UVRAG: variants seen among roughly 807,000 people sequenced by gnomAD.
UVRAG encodes the protein UV radiation resistance associated.
Under a neutral mutation model 78.0 loss-of-function variants are expected in UVRAG, and 19 were observed. The ratio of observed to expected loss-of-function variants is 0.24; its 90% CI spans 0.17 to 0.36. The LOEUF (loss-of-function observed/expected upper bound fraction) is 0.36, where lower values mean the gene tolerates loss of function less well. Among genes scored for constraint, UVRAG ranks in the 10% least tolerant of loss-of-function variants. UVRAG has a pLI of 1.00. For synonymous variants in UVRAG, 323 were observed against 324.6 expected (o/e 1.00, Z 0.05); for missense variants, 740 against 853.8 (o/e 0.87, Z 1.66).
chr11:76,021,162 T>C (rs1445882436), intron 12 of UVRAG, among the ~76,000 whole-genome samples: 1 of 152,198 alleles, frequency 6.6e-6, no homozygotes, highest in Non-Finnish European at 1.5e-5. Context: ...TTCAGCTATA[T>C]GAAGTTAAAA....
At chr11:75,983,839 A>G (rs888991217) in intron 8 of UVRAG, 2 of 187,870 alleles carry the variant, frequency 1.1e-5, no homozygotes, top group African/African-American at 2.3e-5. Context: ...ATATCTAAGC[A>G]TAGAATAAAA....
intron 6 of UVRAG, among the ~76,000 whole-genome samples, chr11:75,951,035 T>A (rs1948685326): frequency 6.6e-6 from 1 of 151,184 alleles, no homozygotes; most frequent in Admixed American, 6.6e-5. Context: ...CAGTCATGAC[T>A]TGATTTTTTT....
At chr11:76,118,049 T>C (rs1461812081) in intron 14 of UVRAG, among the ~76,000 whole-genome samples, 2 of 152,234 alleles carry the variant, frequency 1.3e-5, no homozygotes, top group African/African-American at 2.4e-5. Flanking sequence ...TTTATGACAT[T>C]GGGTCTTCCT....
At chr11:75,995,168 A>G (rs1949681223) in intron 8 of UVRAG, among the ~76,000 whole-genome samples, 1 of 148,432 alleles carries the variant, frequency 6.7e-6, no homozygotes, top group Non-Finnish European at 1.5e-5. Context: ...ATTTTCCAGC[A>G]TTTTATAAAA....
rs544230450 is a variant in UVRAG at position 75,871,175 on chromosome 11, A to G, written c.271-8704A>G. ...AAGCATGCGCCCCTGCGCCCGGCCT[A>G]TCTCTTGCTTTTCAGTCACTACCTT... On this transcript the variant is annotated intron_variant, in intron 3 of 14. Transcript: ENST00000356136. 1.0e-4 allele frequency among the ~76,000 whole-genome samples: 15 copies of G among 148,974 alleles called. No individual in the cohort carries two copies. The South Asian group carries it at 1.9e-3, about 19-fold the overall frequency.
At chr11:75,892,254 C>T (rs1321021455) in intron 5 of UVRAG, 1 of 824,380 alleles carries the variant, frequency 1.2e-6, no homozygotes, top group Non-Finnish European at 1.5e-6. Context: ...TGAAGCCCAG[C>T]CATCAGATCA....
At chr11:76,108,525 G>C (rs79224793) in intron 13 of UVRAG, among the ~76,000 whole-genome samples, 1 of 152,170 alleles carries the variant, frequency 6.6e-6, no homozygotes, top group African/African-American at 2.4e-5. Context: ...TGACGTCATA[G>C]TTGATCTGTC....
chr11:76,070,843 G>T (rs1951292173), intron 13 of UVRAG, among the ~76,000 whole-genome samples: 2 of 152,186 alleles, frequency 1.3e-5, no homozygotes, highest in Non-Finnish European at 2.9e-5. Flanking sequence ...GGGGGAATAG[G>T]AGAGCTATAT....
At chr11:76,132,869 T>C (rs1349633245) in intron 14 of UVRAG, among the ~76,000 whole-genome samples, 4 of 152,186 alleles carry the variant, frequency 2.6e-5, no homozygotes, top group African/African-American at 9.7e-5. Flanking sequence ...CAAATGTAGA[T>C]GTTTTGGTGA....
At chr11:75,854,796 G>A (rs1161157978) in intron 2 of UVRAG, among the ~76,000 whole-genome samples, 2 of 152,156 alleles carry the variant, frequency 1.3e-5, no homozygotes, top group African/African-American at 4.8e-5. Context: ...AAACAATTTG[G>A]CTACTATTTG....
intron 13 of UVRAG, among the ~76,000 whole-genome samples, chr11:76,112,311 G>C (rs11236614): frequency 0.06 from 9,109 of 152,164 alleles, 422 homozygotes; most frequent in East Asian, 0.27. Context: ...CTAAGAAAAA[G>C]TATTTGCAGC....
At chr11:75,946,925 G>C (rs982513195) in intron 6 of UVRAG, among the ~76,000 whole-genome samples, 2 of 152,118 alleles carry the variant, frequency 1.3e-5, no homozygotes, top group African/African-American at 4.8e-5. Context: ...AGATCTGAAG[G>C]CTGGAACTCT....
chr11:76,020,234 G>A (rs892639537), intron 12 of UVRAG, among the ~76,000 whole-genome samples: 1 of 152,108 alleles, frequency 6.6e-6, no homozygotes, highest in Non-Finnish European at 1.5e-5. Flanking sequence ...AGGGCAGAGG[G>A]TTCCCCTCTG....
At position 75,880,057 on chromosome 11, in the gene UVRAG, A is replaced by G. The variant is rs370312278; in HGVS notation, c.432+17A>G. The G allele has an allele frequency of 1.0e-4, 161 of 1,612,274 alleles. 1 individual carries two copies. The African/African-American group carries it at 1.9e-3, about 19-fold the overall frequency. On this transcript the variant is annotated intron_variant, in intron 4 of 14. Transcript: ENST00000356136. Reference sequence around the variant, plus strand: ...GGTCAGCAGGTAATTTTTAGACTGTAGTTTCAAGTAGTTGTCATCTCCAAA... The same window carrying G: ...GGTCAGCAGGTAATTTTTAGACTGTGGTTTCAAGTAGTTGTCATCTCCAAA...
At chr11:76,124,484 G>A (rs1413829428) in intron 14 of UVRAG, among the ~76,000 whole-genome samples, 1 of 152,176 alleles carries the variant, frequency 6.6e-6, no homozygotes, top group Non-Finnish European at 1.5e-5. Context: ...CTGCTACAAT[G>A]ATGGAGGGCA....
chr11:76,005,740 A>G (rs544033635), intron 9 of UVRAG, among the ~76,000 whole-genome samples: 2 of 152,400 alleles, frequency 1.3e-5, no homozygotes, highest in Non-Finnish European at 2.9e-5. Context: ...TGCTTTAAAT[A>G]GAGGTTCCCA....
chr11:75,862,957 C>A (rs1360749800), intron 3 of UVRAG, among the ~76,000 whole-genome samples: 1 of 152,136 alleles, frequency 6.6e-6, no homozygotes, highest in Admixed American at 6.5e-5. Flanking sequence ...TACATGTTAT[C>A]CCATTTTGAT....
chr11:76,018,958 A>G (rs540481080), intron 12 of UVRAG, among the ~76,000 whole-genome samples: 1 of 152,284 alleles, frequency 6.6e-6, no homozygotes, highest in African/African-American at 2.4e-5. Flanking sequence ...CTTTAAGGCC[A>G]GTAACTCTTA....
At chr11:76,025,924 A>G (rs1313508522) in intron 12 of UVRAG, among the ~76,000 whole-genome samples, 1 of 152,164 alleles carries the variant, frequency 6.6e-6, no homozygotes, top group African/African-American at 2.4e-5. Flanking sequence ...TCTTGCAGCC[A>G]CATAGACAGG....
Sources: gnomAD v4.1 joint callset for allele counts (sites outside exome capture counted in the v4.1 genomes callset) on GRCh38, gnomAD v4.1.1 for gene constraint, MANE v1.5 for transcripts, NCBI Gene and HGNC (gene_info 2026-07-23, HGNC 2026-07-21) for gene names.